The following OXR1 variants were observed in gnomAD, a reference collection of about 807,000 sequenced individuals.
OXR1 encodes oxidation resistance protein 1.
Under a neutral mutation model 104.6 loss-of-function variants are expected in OXR1, and 41 were observed. That is an observed-to-expected ratio of 0.39 (90% confidence interval 0.31 to 0.51). OXR1 has a LOEUF of 0.51. OXR1 is among the 20% of genes least tolerant of loss of function. The pLI is 0.77. For missense variants in OXR1, 955 were observed against 1,031.9 expected (o/e 0.93, Z 1.02); for synonymous variants, 348 against 348.4 (o/e 1.00, Z 0.01).
At chr8:106,370,812 A>G (rs1282929144) in intron 2 of OXR1, among the ~76,000 whole-genome samples, 1 of 152,198 alleles carries the variant, frequency 6.6e-6, no homozygotes, top group Non-Finnish European at 1.5e-5. Context: ...TATTTTATTG[A>G]GAATTTTCCC....
At chr8:106,315,160 T>C (rs1014372537) in intron 1 of OXR1, among the ~76,000 whole-genome samples, 8 of 152,110 alleles carry the variant, frequency 5.3e-5, no homozygotes, top group African/African-American at 1.4e-4. Context: ...TAGTATATTT[T>C]GCTCAAGTTT....
chr8:106,359,974 G>A (rs997314459), intron 2 of OXR1, among the ~76,000 whole-genome samples: 5 of 152,130 alleles, frequency 3.3e-5, no homozygotes, highest in Non-Finnish European at 7.4e-5. Context: ...TATAGGACTA[G>A]CAAGCTATAT....
At position 106,284,503 on chromosome 8, in the gene OXR1, G is replaced by T. The variant is rs146820854; in HGVS notation, c.-139+14136G>T. Among the ~76,000 whole-genome samples, 646 of 152,232 alleles carry T rather than the reference G, an allele frequency of 4.2e-3. 3 individuals are homozygous for T. The highest frequency in any genetic ancestry group is 7.0e-3 in the Non-Finnish European group (478 of 68,016). ...CATCCTTTATTGGCACAGACATAAT[G>T]ATATCTATTTTCCAAGAGAACAGAT... is the stretch of plus-strand genomic sequence containing the variant. On this transcript the variant is annotated intron_variant, in intron 1 of 16. Transcript: ENST00000517566.
intron 3 of OXR1, among the ~76,000 whole-genome samples, chr8:106,562,727 C>T (rs901415136): frequency 6.6e-6 from 1 of 152,142 alleles, no homozygotes; most frequent in Non-Finnish European, 1.5e-5. Flanking sequence ...AGAGAAAGGT[C>T]GGGTTACCCA....
chr8:106,366,030 C>T (rs900762317), intron 2 of OXR1, among the ~76,000 whole-genome samples: 2 of 152,124 alleles, frequency 1.3e-5, no homozygotes, highest in African/African-American at 4.8e-5. Flanking sequence ...AGACCTGTAA[C>T]CTTGACCAGC....
At chr8:106,307,510 A>C (rs898318305) in intron 1 of OXR1, among the ~76,000 whole-genome samples, 1 of 151,882 alleles carries the variant, frequency 6.6e-6, no homozygotes, top group Non-Finnish European at 1.5e-5. Flanking sequence ...CTCAGGTTCA[A>C]ACACTTAACT....
intron 3 of OXR1, among the ~76,000 whole-genome samples, chr8:106,654,467 T>C (rs1824887017): frequency 6.6e-6 from 1 of 152,102 alleles, no homozygotes; most frequent in Non-Finnish European, 1.5e-5. Context: ...CTGGAACAAC[T>C]GGATAGCCAC....
intron 3 of OXR1, chr8:106,657,674 AC>A (rs1271083359): frequency 1.2e-5 from 3 of 256,084 alleles, no homozygotes; most frequent in Non-Finnish European, 2.0e-5. Flanking sequence ...CAGTTTTCTG[AC>A]CCCGCATCGG....
intron 3 of OXR1, among the ~76,000 whole-genome samples, chr8:106,635,351 C>T (rs1823040823): frequency 6.6e-6 from 1 of 152,138 alleles, no homozygotes; most frequent in Non-Finnish European, 1.5e-5. Context: ...CATTCTACTC[C>T]TCTATTTTTG....
intron 2 of OXR1, among the ~76,000 whole-genome samples, chr8:106,360,943 G>A (rs1200025858): frequency 6.6e-6 from 1 of 152,122 alleles, no homozygotes; most frequent in African/African-American, 2.4e-5. Flanking sequence ...ATTGAAACAG[G>A]TATGATTGTT....
chr8:106,395,798 T>A (rs1431314585), intron 2 of OXR1, among the ~76,000 whole-genome samples: 1 of 152,124 alleles, frequency 6.6e-6, no homozygotes, highest in East Asian at 1.9e-4. Flanking sequence ...TAAATACCAC[T>A]CTCCAATAAA....
intron 2 of OXR1, among the ~76,000 whole-genome samples, chr8:106,386,291 G>GA (rs1295586386): frequency 6.6e-6 from 1 of 152,156 alleles, no homozygotes; most frequent in Non-Finnish European, 1.5e-5. Flanking sequence ...TCCAGTGCTG[G>GA]AAAATTGAAC....
intron 3 of OXR1, among the ~76,000 whole-genome samples, chr8:106,613,647 C>T (rs1161988965): frequency 6.6e-6 from 1 of 152,214 alleles, no homozygotes; most frequent in Admixed American, 6.5e-5. Context: ...GATCTGCCCA[C>T]CTTGGCCTCC....
rs531797735 is a variant in OXR1, at chr8:106,553,557, C to T, written c.220+34418C>T. On this transcript the variant is annotated intron_variant, in intron 3 of 16. Coordinates refer to ENST00000517566, the MANE Select transcript of OXR1 (RefSeq NM_001198533.2). ...TTGGTCTTGAGCTCCTGAGCTCAAGCGATCCACCTGCCTCGGTCTCCAAAA... is the reference window on the plus strand; with the variant it reads ...TTGGTCTTGAGCTCCTGAGCTCAAGTGATCCACCTGCCTCGGTCTCCAAAA... 1.5e-4 allele frequency among the ~76,000 whole-genome samples: 23 copies of T among 152,112 alleles called. No individual in the cohort carries two copies. In the East Asian group the frequency reaches 2.1e-3, roughly 14 times the overall value.
intron 11 of OXR1, among the ~76,000 whole-genome samples, chr8:106,725,240 G>A (rs984768150): frequency 3.3e-5 from 5 of 152,080 alleles, no homozygotes; most frequent in African/African-American, 1.2e-4. Flanking sequence ...ATGCTGGAAT[G>A]TGGAGGAAGG....
intron 2 of OXR1, among the ~76,000 whole-genome samples, chr8:106,504,157 A>G (rs1229297577): frequency 1.3e-5 from 2 of 152,220 alleles, no homozygotes; most frequent in Non-Finnish European, 2.9e-5. Context: ...CTAATGTTGC[A>G]GGAATGATTC....
intron 2 of OXR1, among the ~76,000 whole-genome samples, chr8:106,423,177 G>A (rs1586628527): frequency 6.6e-6 from 1 of 152,114 alleles, no homozygotes; most frequent in African/African-American, 2.4e-5. Context: ...GATTAAATTA[G>A]CATCTAGTTA....
At chr8:106,384,953 G>C (rs969007284) in intron 2 of OXR1, among the ~76,000 whole-genome samples, 3 of 152,004 alleles carry the variant, frequency 2.0e-5, no homozygotes, top group African/African-American at 7.2e-5. Context: ...GGACTCAAGG[G>C]ATTGGCCCAC....
At chr8:106,528,103 C>T (rs765971672) in intron 3 of OXR1, among the ~76,000 whole-genome samples, 2 of 152,074 alleles carry the variant, frequency 1.3e-5, no homozygotes, top group Non-Finnish European at 2.9e-5. Flanking sequence ...TTTGTCCCCT[C>T]CCTCTTTCCT....
Sources: allele counts gnomAD v4.1 joint callset (sites outside exome capture counted in the v4.1 genomes callset), GRCh38; gene constraint gnomAD v4.1.1; transcripts MANE v1.5; gene names NCBI Gene and HGNC (gene_info 2026-07-23, HGNC 2026-07-21).